PTK2B: variants seen among roughly 807,000 people sequenced by gnomAD.
PTK2B encodes the protein protein-tyrosine kinase 2-beta.
PTK2B carries 71 observed loss-of-function variants against 142.9 expected under a neutral mutation model. The observed-to-expected ratio is 0.50, with a 90% confidence interval of 0.41 to 0.61. PTK2B has a LOEUF of 0.61. Ranked by LOEUF, PTK2B falls within the 20% of genes least tolerant of loss-of-function variation. The pLI, the probability that PTK2B is intolerant of heterozygous loss-of-function variation, is 0.00. For synonymous variants in PTK2B, 519 were observed against 503.4 expected (o/e 1.03, Z -0.42); for missense variants, 1,105 against 1,320.4 (o/e 0.84, Z 2.53).
rs948705016 is a variant in PTK2B at position 27,440,144 on chromosome 8, C to T, written c.1835-93C>T. 2.0e-5 allele frequency: 27 copies of T among 1,325,282 alleles called. 1 individual carries two copies. Among genetic ancestry groups the T allele is most frequent in the African/African-American group, 2.9e-5 (2 of 68,830 alleles). 82.1% of individuals were successfully genotyped at this position (1,325,282 alleles called of 1,614,324 possible). The stretch of plus-strand genomic sequence containing the variant: ...AGGAGGAGGGACCGCAGGAGCTGCT[C>T]CTGGTGGAGACTGAGTGCTAATGGC... On this transcript the variant is annotated intron_variant, in intron 20 of 30. Transcript: ENST00000346049.
At chr8:27,365,030 T>A (rs1805934823) in intron 1 of PTK2B, among the ~76,000 whole-genome samples, 1 of 152,194 alleles carries the variant, frequency 6.6e-6, no homozygotes. Context: ...GTTTTGCTCA[T>A]ATACATTCTA....
Position 27,432,310 on chromosome 8 carries a change from G to A in PTK2B, c.936G>A (p.Pro312=), listed in dbSNP as rs143285330. ...FKQIRSIRCL[P]LEEGQAVLQL... ...AGATCAGGTCCATCAGGTGCCTCCC[G>A]CTGGAGGAGGGCCAGGCAGTACTTC... is the stretch of plus-strand genomic sequence containing the variant. Residue 312 remains proline, a synonymous_variant, in exon 10 of 31, where the codon CCG becomes CCA. Transcript: ENST00000346049. The A allele has an allele frequency of 1.9e-5, 30 of 1,613,960 alleles. No individual in the cohort carries two copies. The highest frequency in any genetic ancestry group is 7.7e-5 in the South Asian group (7 of 91,078).
chr8:27,406,908 G>A (rs1277622123), intron 2 of PTK2B, among the ~76,000 whole-genome samples: 3 of 152,190 alleles, frequency 2.0e-5, no homozygotes, highest in Non-Finnish European at 4.4e-5. Context: ...GGAAAGAATG[G>A]TATAGTAACT....
At chr8:27,438,109 C>G (rs192444260) in intron 18 of PTK2B, 5 of 492,706 alleles carry the variant, frequency 1.0e-5, no homozygotes, top group Non-Finnish European at 1.8e-5. Context: ...CTCTGAAGTC[C>G]GAGGTGTCTG....
At chr8:27,356,808 T>G (rs1477097562) in intron 1 of PTK2B, among the ~76,000 whole-genome samples, 2 of 152,242 alleles carry the variant, frequency 1.3e-5, no homozygotes, top group Non-Finnish European at 2.9e-5. Flanking sequence ...AATGTTCATC[T>G]CAAAAAGTCA....
At chr8:27,384,534 T>C (rs1408199118) in intron 1 of PTK2B, among the ~76,000 whole-genome samples, 1 of 152,234 alleles carries the variant, frequency 6.6e-6, no homozygotes, top group Non-Finnish European at 1.5e-5. Flanking sequence ...CTAATTGCAC[T>C]GATTAGGGCT....
intron 24 of PTK2B, among the ~76,000 whole-genome samples, chr8:27,448,096 G>A (rs1811582128): frequency 6.6e-6 from 1 of 152,204 alleles, no homozygotes; most frequent in South Asian, 2.1e-4. Flanking sequence ...CTATTTAAAA[G>A]TTGGGCCTTG....
intron 20 of PTK2B, among the ~76,000 whole-genome samples, chr8:27,439,902 C>T (rs1031050410): frequency 6.6e-6 from 1 of 152,260 alleles, no homozygotes; most frequent in South Asian, 2.1e-4. Flanking sequence ...AGTGTTGGTG[C>T]GAGGCTTCCA....
chr8:27,397,647 C>T lies in PTK2B; in HGVS notation c.63C>T (p.Gly21=). The part of the protein sequence containing the change: ...VKLGTLRRPE[G]PAEPMVVVPV... ...TGGGCACGTTACGCCGGCCTGAAGG[C>T]CCTGCAGAGCCCATGGTGGTGGTAC... Residue 21 remains glycine, a synonymous_variant, in exon 2 of 31, where the codon GGC becomes GGT. Transcript: ENST00000346049. 1.9e-6 allele frequency: 3 copies of T among 1,614,252 alleles called. No homozygotes were observed. Among genetic ancestry groups the T allele is most frequent in the African/African-American group, 1.3e-5 (1 of 75,064 alleles).
Position 27,349,429 on chromosome 8 carries a change from TC to T in PTK2B, c.-38+23750del, listed in dbSNP as rs1804910743. Among the ~76,000 whole-genome samples, 2 of 152,222 alleles carry T rather than the reference TC, an allele frequency of 1.3e-5. 1 individual carries two copies. Among genetic ancestry groups the T allele is most frequent in the South Asian group, 4.1e-4 (2 of 4,836 alleles). On this transcript the variant is annotated intron_variant, in intron 1 of 30. Transcript: ENST00000346049. ...TCAGAGAACCCGTTAAATATCCTCTTCCTGTCCTTCCATCTCTGCCTCTTTG... is the reference window on the plus strand; with the variant it reads ...TCAGAGAACCCGTTAAATATCCTCTTCTGTCCTTCCATCTCTGCCTCTTTG...
chr8:27,350,989 AAATATAT>A (rs1264221221), intron 1 of PTK2B, among the ~76,000 whole-genome samples: 1 of 17,724 alleles, frequency 5.6e-5, no homozygotes, highest in African/African-American at 2.3e-4. Context: ...AAAAAAAAAA[AAATATAT>A]ATATATATAT....
In PTK2B at chr8:27,442,917, G is replaced by A. The variant is rs372707177; in HGVS notation, c.2082G>A (p.Glu694=). The A allele has an allele frequency of 2.7e-5, 44 of 1,614,208 alleles. No individual in the cohort carries two copies. In the East Asian group the frequency reaches 6.9e-4, roughly 25 times the overall value. The change falls in exon 22 of 31, where the codon GAG becomes GAA. Residue 694 remains glutamate (E), a synonymous_variant. Coordinates refer to ENST00000346049, the MANE Select transcript of PTK2B (RefSeq NM_173176.3). ...AGAAGGACATTGCCATGGAGCAAGAGAGGAATGCTCGCTACCGAACCCCCA... is the reference window on the plus strand; with the variant it reads ...AGAAGGACATTGCCATGGAGCAAGAAAGGAATGCTCGCTACCGAACCCCCA... ...QMEKDIAMEQ[E]RNARYRTPKI...
At chr8:27,385,908 A>AG (rs1434143113) in intron 1 of PTK2B, among the ~76,000 whole-genome samples, 1 of 151,666 alleles carries the variant, frequency 6.6e-6, no homozygotes, top group Non-Finnish European at 1.5e-5. Context: ...AAAAAAAAAA[A>AG]AAAGACAGTA....
intron 11 of PTK2B, 66 bp downstream of exon 11, chr8:27,433,618 G>C: frequency 7.3e-7 from 1 of 1,373,148 alleles, no homozygotes; most frequent in Admixed American, 1.8e-5. Context: ...CCCCAGAGGC[G>C]GAGTGGCAGA....
intron 2 of PTK2B, among the ~76,000 whole-genome samples, chr8:27,414,594 C>T (rs962987355): frequency 4.4e-5 from 3 of 67,762 alleles, no homozygotes; most frequent in Non-Finnish European, 9.7e-5. Context: ...CTCAGTTTCT[C>T]TCTCTCTCTC....
chr8:27,451,409 G>A, intron 26 of PTK2B, 76 bp from the exon 27 acceptor site: 2 of 1,599,396 alleles, frequency 1.3e-6, no homozygotes, highest in Non-Finnish European at 1.7e-6. Flanking sequence ...AGGGACTGGG[G>A]AATGGGTAAC....
intron 9 of PTK2B, 48 bp downstream of exon 9, chr8:27,431,520 TCC>T (rs1193103080): frequency 1.2e-6 from 2 of 1,609,064 alleles, no homozygotes; most frequent in Non-Finnish European, 1.7e-6. Context: ...GGGGAGGTCG[TCC>T]CCTCTCTGCT....
At chr8:27,446,037 C>T (rs1038048247) in intron 24 of PTK2B, 118 bp downstream of exon 24, 3 of 1,435,950 alleles carry the variant, frequency 2.1e-6, no homozygotes, top group African/African-American at 2.8e-5. Flanking sequence ...TGTTCCCATG[C>T]ACCAGTCAGG....
chr8:27,454,154 T>C lies in PTK2B; in HGVS notation c.2596T>C (p.Ser866Pro). The change falls in exon 29 of 31, where the codon TCC becomes CCC. Residue 866 changes from serine to proline, a missense_variant and splice_region_variant. By Grantham distance (74) the Ser-to-Pro change is moderately conservative. Transcript: ENST00000346049. ...PQKPPRLGAQ[S>P]IQPTANLDRT... ...CTGGCCACCTGCGTCTTCCCCTCAG[T>C]CCATCCAGCCCACAGCTAACCTGGA... 1 of 1,614,024 alleles carries C rather than the reference T, an allele frequency of 6.2e-7. No homozygotes were observed. Among genetic ancestry groups the C allele is most frequent in the Non-Finnish European group, 8.5e-7 (1 of 1,179,980 alleles).
Sources: gnomAD v4.1 joint callset for allele counts (sites outside exome capture counted in the v4.1 genomes callset) on GRCh38, gnomAD v4.1.1 for gene constraint, MANE v1.5 for transcripts, NCBI Gene and HGNC (gene_info 2026-07-23, HGNC 2026-07-21) for gene names.